The following CACNA2D3 variants were observed in gnomAD, a reference collection of about 807,000 sequenced individuals.
The protein encoded by CACNA2D3 is voltage-dependent calcium channel subunit alpha-2/delta-3.
CACNA2D3 carries 60 observed loss-of-function variants against 160.6 expected under a neutral mutation model. That is an observed-to-expected ratio of 0.37 (90% CI 0.30 to 0.46). CACNA2D3 has a LOEUF of 0.46. Among genes scored for constraint, CACNA2D3 ranks in the 20% least tolerant of loss-of-function variants. CACNA2D3 has a pLI of 1.00. For missense variants in CACNA2D3, 1,205 were observed against 1,365.0 expected (o/e 0.88, Z 1.85); for synonymous variants, 558 against 492.9 (o/e 1.13, Z -1.75).
chr3:54,239,535 G>GT (rs1283060599), intron 2 of CACNA2D3, among the ~76,000 whole-genome samples: 4 of 152,214 alleles, frequency 2.6e-5, no homozygotes, highest in Non-Finnish European at 5.9e-5. Flanking sequence ...TGTGACCCCT[G>GT]TTGCCACATG....
intron 13 of CACNA2D3, among the ~76,000 whole-genome samples, chr3:54,798,671 C>T (rs746897440): frequency 4.6e-5 from 7 of 152,178 alleles, no homozygotes; most frequent in Non-Finnish European, 7.3e-5. Flanking sequence ...AATCTCACTG[C>T]GTCATAGGGC....
chr3:55,017,548 CT>C (rs1703352354), intron 34 of CACNA2D3, among the ~76,000 whole-genome samples: 2 of 152,242 alleles, frequency 1.3e-5, no homozygotes, highest in East Asian at 3.9e-4. Flanking sequence ...TCTGATAGAA[CT>C]TTATTATCCT....
intron 3 of CACNA2D3, among the ~76,000 whole-genome samples, chr3:54,328,873 T>G (rs1269886051): frequency 6.6e-6 from 1 of 152,190 alleles, no homozygotes. Flanking sequence ...CTAAGCTTCC[T>G]GACTTTGGGG....
At chr3:54,901,845 C>CT (rs1263822824) in intron 27 of CACNA2D3, among the ~76,000 whole-genome samples, 1 of 152,208 alleles carries the variant, frequency 6.6e-6, no homozygotes, top group African/African-American at 2.4e-5. Flanking sequence ...GAAGACCTCT[C>CT]TGTCTCCAAA....
Position 54,159,830 on chromosome 3 carries a change from A to T in CACNA2D3, c.204+36236A>T, listed in dbSNP as rs553981881. Among the ~76,000 whole-genome samples, 64 of 152,246 alleles carry T rather than the reference A, an allele frequency of 4.2e-4. 2 individuals are homozygous for T. In the South Asian group the frequency reaches 8.1e-3, roughly 19 times the overall value. The stretch of plus-strand genomic sequence containing the variant: ...GCAATTTGGGGGAGATAGACTTTAT[A>T]AAAAAAAGAGACAAAATCATGAATA... On this transcript the variant is annotated intron_variant, in intron 2 of 37. Coordinates refer to ENST00000474759, the MANE Select transcript of CACNA2D3 (RefSeq NM_018398.3).
intron 4 of CACNA2D3, among the ~76,000 whole-genome samples, chr3:54,422,234 T>C (rs567415683): frequency 1.3e-5 from 2 of 152,244 alleles, no homozygotes; most frequent in Non-Finnish European, 2.9e-5. Context: ...CAGCGGCTAA[T>C]GTGCTGTGAC....
At position 54,725,187 on chromosome 3, in the gene CACNA2D3, CAT is replaced by C. The variant is rs531857558; in HGVS notation, c.1168-27408_1168-27407del. Among the ~76,000 whole-genome samples the C allele has an allele frequency of 1.2e-4, 18 of 152,280 alleles. No individual in the cohort carries two copies. In the South Asian group the frequency reaches 3.7e-3, roughly 32 times the overall value. On this transcript the variant is annotated intron_variant, in intron 11 of 37. Coordinates refer to ENST00000474759, the MANE Select transcript of CACNA2D3 (RefSeq NM_018398.3). ...GAAGAAATGGATAAATTTCTTGACACATATACCCTCCCAAGTCTAAACCAGGA... is the reference window on the plus strand; with the variant it reads ...GAAGAAATGGATAAATTTCTTGACACATACCCTCCCAAGTCTAAACCAGGA...
chr3:54,227,196 T>A (rs921925628), intron 2 of CACNA2D3, among the ~76,000 whole-genome samples: 10 of 150,398 alleles, frequency 6.6e-5, no homozygotes, highest in African/African-American at 2.3e-4. Flanking sequence ...GTCTTGGGGT[T>A]AACAATATGT....
rs537962256 is a variant in CACNA2D3 at position 54,997,066 on chromosome 3, A to G, written c.2691-7697A>G. Among the ~76,000 whole-genome samples, 13 of 152,278 alleles carry G rather than the reference A, an allele frequency of 8.5e-5. No individual in the cohort carries two copies. In the South Asian group the frequency reaches 2.7e-3, roughly 32 times the overall value. ...AGGGATAGCATTAGGAGAAATACCT[A>G]ATGTAGATGATGGGTTGATGGGTGT... On this transcript the variant is annotated intron_variant, in intron 31 of 37. Coordinates refer to ENST00000474759, the MANE Select transcript of CACNA2D3 (RefSeq NM_018398.3).
At chr3:55,012,231 G>A (rs1342438756) in intron 34 of CACNA2D3, among the ~76,000 whole-genome samples, 1 of 152,200 alleles carries the variant, frequency 6.6e-6, no homozygotes. Flanking sequence ...GGTGAATTAA[G>A]CAATGCGTGC....
In CACNA2D3 at chr3:54,764,290, G is replaced by A. The variant is rs901300417; in HGVS notation, c.1319G>A (p.Arg440Gln). 8 of 1,613,700 alleles carry A rather than the reference G, an allele frequency of 5.0e-6. No homozygotes were observed. The highest frequency in any genetic ancestry group is 6.8e-6 in the Non-Finnish European group (8 of 1,179,810). ...ATGGAATACCTTCACGTGCTTAGCC[G>A]GCCCAAAGTCATCGACCAGGAGCAT... ...NVMEYLHVLS[R>Q]PKVIDQEHDV... Residue 440 changes from arginine to glutamine, a missense_variant, in exon 13 of 38, where the codon CGG becomes CAG. Arg to Gln is a conservative substitution (Grantham distance 43). This residue lies in a region of CACNA2D3 where 911 missense variants were observed against 1,002.2 expected (regional missense o/e 0.91). Coordinates refer to ENST00000474759, the MANE Select transcript of CACNA2D3 (RefSeq NM_018398.3).
intron 5 of CACNA2D3, among the ~76,000 whole-genome samples, chr3:54,517,354 A>T (rs1701568177): frequency 6.6e-6 from 1 of 152,204 alleles, no homozygotes; most frequent in South Asian, 2.1e-4. Context: ...GTTCTTAATG[A>T]CAGTTTCTGC....
intron 5 of CACNA2D3, among the ~76,000 whole-genome samples, chr3:54,519,373 G>A (rs1057142033): frequency 5.9e-5 from 9 of 152,274 alleles, no homozygotes; most frequent in African/African-American, 1.9e-4. Flanking sequence ...TCTGGGGGAC[G>A]CTCTGATCCC....
At chr3:54,847,276 T>C (rs1007256219) in intron 17 of CACNA2D3, among the ~76,000 whole-genome samples, 2 of 152,234 alleles carry the variant, frequency 1.3e-5, no homozygotes, top group Non-Finnish European at 2.9e-5. Flanking sequence ...AAAGAAGATA[T>C]AGAATTATAA....
chr3:54,989,528 T>C (rs1702693058), intron 31 of CACNA2D3, among the ~76,000 whole-genome samples: 1 of 152,196 alleles, frequency 6.6e-6, no homozygotes, highest in African/African-American at 2.4e-5. Flanking sequence ...AGTTTGATTT[T>C]TGGAGTCAGA....
chr3:54,265,669 A>AGT (rs892981005), intron 2 of CACNA2D3, among the ~76,000 whole-genome samples: 2 of 139,106 alleles, frequency 1.4e-5, no homozygotes, highest in South Asian at 2.1e-4. Flanking sequence ...GTATATATAT[A>AGT]GTGTGTGTAT....
intron 13 of CACNA2D3, among the ~76,000 whole-genome samples, chr3:54,813,970 T>G (rs1375628570): frequency 2.6e-5 from 4 of 151,186 alleles, no homozygotes; most frequent in Non-Finnish European, 1.5e-5. Flanking sequence ...GCTCAGGTGA[T>G]TCTCCCCACC....
rs1700356439 is a variant in CACNA2D3 at position 54,454,129 on chromosome 3, A to G, written c.382-49363A>G. Among the ~76,000 whole-genome samples the G allele has an allele frequency of 2.0e-5, 3 of 152,192 alleles. No homozygotes were observed. In the South Asian group the frequency reaches 6.2e-4, roughly 31 times the overall value. On this transcript the variant is annotated intron_variant, in intron 4 of 37. Coordinates refer to ENST00000474759, the MANE Select transcript of CACNA2D3 (RefSeq NM_018398.3). ...CACACCCTCCACTGATTCTTGGCCA[A>G]GTAATTATATGTGGTAGCCCTAACT...
intron 13 of CACNA2D3, among the ~76,000 whole-genome samples, chr3:54,812,508 A>T (rs114057066): frequency 5.6e-4 from 86 of 152,362 alleles, no homozygotes; most frequent in African/African-American, 1.9e-3. Context: ...GAGCACGGAC[A>T]GTCTTCATGT....
Sources: allele counts gnomAD v4.1 joint callset (sites outside exome capture counted in the v4.1 genomes callset), GRCh38; gene constraint gnomAD v4.1.1; regional missense constraint gnomAD v4.1.1; transcripts MANE v1.5; gene names NCBI Gene and HGNC (gene_info 2026-07-23, HGNC 2026-07-21).